The following UNC79 variants were observed in gnomAD, a reference collection of about 807,000 sequenced individuals.
UNC79 encodes the protein unc-79 subunit of NALCN channel complex, also known as protein unc-79 homolog.
Under a neutral mutation model 283.1 loss-of-function variants are expected in UNC79, and 37 were observed. The observed-to-expected ratio is 0.13, with a 90% CI of 0.10 to 0.17. The LOEUF (loss-of-function observed/expected upper bound fraction) is 0.17. UNC79 is among the 10% of genes least tolerant of loss of function. UNC79 has a pLI of 1.00. For synonymous variants in UNC79, 1,107 were observed against 1,200.2 expected, an observed-to-expected ratio of 0.92 and a Z score of 1.61; for missense variants, 2,272 against 3,211.1, an observed-to-expected ratio of 0.71 and a Z score of 7.07.
chr14:93,366,058 T>G (rs2402281), intron 1 of UNC79, among the ~76,000 whole-genome samples: 82,472 of 152,058 alleles, frequency 0.54, 22,931 homozygotes, highest in Admixed American at 0.65. Flanking sequence ...GCACAATCTT[T>G]GCAGGCAATG....
chr14:93,638,749 G>C (rs1314533370), intron 32 of UNC79, among the ~76,000 whole-genome samples: 1 of 152,188 alleles, frequency 6.6e-6, no homozygotes, highest in African/African-American at 2.4e-5. Flanking sequence ...CAGCAACTTG[G>C]GGGTGATAGG....
At chr14:93,624,004 T>A (rs897386636) in intron 30 of UNC79, among the ~76,000 whole-genome samples, 2 of 152,186 alleles carry the variant, frequency 1.3e-5, no homozygotes, top group Non-Finnish European at 2.9e-5. Flanking sequence ...CTGGTGAAGG[T>A]CTTAAAGACC....
At chr14:93,341,131 GAGA>G (rs753474861) in intron 1 of UNC79, among the ~76,000 whole-genome samples, 3 of 152,056 alleles carry the variant, frequency 2.0e-5, no homozygotes, top group South Asian at 2.1e-4. Context: ...TGTAATTCAG[GAGA>G]AGAAGAGGAA....
chr14:93,333,306 A>T (rs1469150960), exon 1 of UNC79: 1 of 397,186 alleles, frequency 2.5e-6, no homozygotes, highest in Middle Eastern at 6.3e-4. Context: ...GCGAATTGTG[A>T]CACATTATTA....
intron 47 of UNC79, among the ~76,000 whole-genome samples, chr14:93,698,428 T>G (rs1412466436): frequency 1.3e-5 from 2 of 150,852 alleles, no homozygotes; most frequent in Non-Finnish European, 3.0e-5. Context: ...GAATTGAAAT[T>G]ATAAAATGTC....
intron 38 of UNC79, among the ~76,000 whole-genome samples, chr14:93,658,691 G>A (rs955243072): frequency 2.0e-5 from 3 of 152,130 alleles, no homozygotes; most frequent in African/African-American, 7.2e-5. Context: ...AGCAGAGAAA[G>A]GGCAGATGAA....
chr14:93,543,343 C>G (rs1172794494), intron 14 of UNC79, among the ~76,000 whole-genome samples: 3 of 151,626 alleles, frequency 2.0e-5, no homozygotes, highest in Admixed American at 2.0e-4. Flanking sequence ...GCTTCTGCCT[C>G]AGTGGATCAC....
chr14:93,585,616 G>A (rs2064165302), intron 20 of UNC79, among the ~76,000 whole-genome samples: 1 of 152,148 alleles, frequency 6.6e-6, no homozygotes, highest in Admixed American at 6.5e-5. Flanking sequence ...TTGCCAAAAC[G>A]TGTAATGGTG....
intron 1 of UNC79, among the ~76,000 whole-genome samples, chr14:93,439,292 T>C (rs1289208875): frequency 8.5e-5 from 12 of 141,772 alleles, no homozygotes; most frequent in Admixed American, 8.1e-4. Context: ...TATTTTACTT[T>C]AGTAGGAAAA....
intron 22 of UNC79, among the ~76,000 whole-genome samples, chr14:93,588,319 A>C (rs906890644): frequency 6.6e-6 from 1 of 152,242 alleles, no homozygotes; most frequent in Non-Finnish European, 1.5e-5. Flanking sequence ...CTAAGAGCAC[A>C]TTACAAAGCT....
intron 31 of UNC79, among the ~76,000 whole-genome samples, chr14:93,635,116 G>T (rs1328565409): frequency 1.3e-5 from 2 of 152,140 alleles, no homozygotes; most frequent in Non-Finnish European, 2.9e-5. Flanking sequence ...GGGTCACCAG[G>T]TTGCAGCCGC....
At chr14:93,610,671 C>A (rs1189008544) in intron 26 of UNC79, among the ~76,000 whole-genome samples, 2 of 151,020 alleles carry the variant, frequency 1.3e-5, no homozygotes, top group African/African-American at 2.4e-5. Flanking sequence ...AGTAGAGTGG[C>A]ATGATCACAG....
chr14:93,678,054 G>A (rs1471079205), intron 41 of UNC79, among the ~76,000 whole-genome samples: 1 of 152,118 alleles, frequency 6.6e-6, no homozygotes, highest in African/African-American at 2.4e-5. Flanking sequence ...CTACTCTCTG[G>A]AAGCTTCTTT....
rs138385342 is a variant in UNC79 at position 93,400,678 on chromosome 14, G to A, written c.-350-66993G>A. Among the ~76,000 whole-genome samples, 455 of 152,192 alleles carry A rather than the reference G, an allele frequency of 3.0e-3. 3 individuals carry two copies. The highest frequency in any genetic ancestry group is 0.011 in the African/African-American group (440 of 41,514). On this transcript the variant is annotated intron_variant, in intron 1 of 49. Coordinates refer to the UNC79 transcript ENST00000256339. ...TACAGCACAGGGCACTGGGGTCTAC[G>A]GTGCATATCGCTTTAGGGTGCTTAC...
At chr14:93,637,749 T>C (rs912962564) in intron 32 of UNC79, among the ~76,000 whole-genome samples, 4 of 152,342 alleles carry the variant, frequency 2.6e-5, no homozygotes, top group Non-Finnish European at 5.9e-5. Context: ...TGAGCCACCA[T>C]GCCTGGCCTC....
In UNC79 at chr14:93,339,976, A is replaced by G. The variant is rs574435664; in HGVS notation, c.-351+6453A>G. On this transcript the variant is annotated intron_variant, in intron 1 of 49. Transcript: ENST00000256339. The stretch of plus-strand genomic sequence containing the variant: ...GGAGAATGGCCTGTTTGGTTACTCT[A>G]TTAGCTCATGGCTTTCGTGATTGAA... Among the ~76,000 whole-genome samples, 6 of 152,300 alleles carry G rather than the reference A, an allele frequency of 3.9e-5. 1 individual carries two copies. The highest frequency in any genetic ancestry group is 1.9e-4 in the East Asian group (1 of 5,184).
At chr14:93,519,037 GGTTAA>G (rs768601164) in intron 7 of UNC79, among the ~76,000 whole-genome samples, 54 of 151,920 alleles carry the variant, frequency 3.6e-4, no homozygotes, top group Non-Finnish European at 2.4e-4. Flanking sequence ...TTATAAAATA[GGTTAA>G]GTTGTTTGAG....
intron 1 of UNC79, among the ~76,000 whole-genome samples, chr14:93,457,141 T>C (rs1025858595): frequency 1.5e-4 from 23 of 152,024 alleles, no homozygotes; most frequent in African/African-American, 5.3e-4. Flanking sequence ...GTACCAAGAG[T>C]CATGTGGCAA....
intron 23 of UNC79, among the ~76,000 whole-genome samples, chr14:93,595,953 A>G (rs1028691723): frequency 6.6e-6 from 1 of 152,180 alleles, no homozygotes; most frequent in Non-Finnish European, 1.5e-5. Context: ...ATTTTAAAAT[A>G]AGCGAATCAG....
Sources: allele counts gnomAD v4.1 joint callset (sites outside exome capture counted in the v4.1 genomes callset), GRCh38; gene constraint gnomAD v4.1.1; transcripts MANE v1.5; gene names NCBI Gene and HGNC (gene_info 2026-07-23, HGNC 2026-07-21).